The following MYH13 variants were observed in gnomAD, a reference collection of about 807,000 sequenced individuals.
MYH13 encodes the protein myosin-13.
A neutral mutation model predicts 232.1 loss-of-function variants in MYH13; 177 were observed. That is an observed-to-expected ratio of 0.76 (90% CI 0.67 to 0.86). The LOEUF is 0.86. Ranked by LOEUF, MYH13 falls within the 40% of genes least tolerant of loss-of-function variation. The pLI is 0.00. For synonymous variants in MYH13, 884 were observed against 923.5 expected (o/e 0.96, Z 0.78); for missense variants, 2,246 against 2,405.9 (o/e 0.93, Z 1.39).
intron 11 of MYH13, among the ~76,000 whole-genome samples, chr17:10,352,089 C>T (rs564110840): frequency 8.9e-4 from 135 of 152,186 alleles, no homozygotes; most frequent in African/African-American, 3.1e-3. Flanking sequence ...AGGGAAGGGT[C>T]GTTGTAGGTT....
Position 10,315,772 on chromosome 17 carries a change from A to G in MYH13, c.3905T>C (p.Ile1302Thr). 1 of 1,613,932 alleles carries G rather than the reference A, an allele frequency of 6.2e-7. No individual in the cohort carries two copies. Among genetic ancestry groups the G allele is most frequent in the Non-Finnish European group, 8.5e-7 (1 of 1,179,890 alleles). ...SHRVEEKESL[I>T]SQLTKSKQAL... Reference sequence around the variant, plus strand: ...CTGCTTGCTTTTGGTCAGCTGTGAAATCAGAGACTCCTTCTCTTCCACTCG... The same window carrying G: ...CTGCTTGCTTTTGGTCAGCTGTGAAGTCAGAGACTCCTTCTCTTCCACTCG... Residue 1302 changes from isoleucine (I) to threonine (T), a missense_variant, in exon 29 of 41, where the codon ATT becomes ACT. Transcript: ENST00000252172.
intron 16 of MYH13, among the ~76,000 whole-genome samples, chr17:10,342,518 G>A (rs2071626010): frequency 6.6e-6 from 1 of 152,106 alleles, no homozygotes; most frequent in African/African-American, 2.4e-5. Context: ...CTATACAAAT[G>A]TTCATAGCAA....
intron 12 of MYH13, 111 bp from the exon 13 acceptor site, chr17:10,346,909 A>G (rs561702583): frequency 1.3e-6 from 1 of 753,554 alleles, no homozygotes; most frequent in Non-Finnish European, 2.2e-6. Flanking sequence ...AAATGTTTTC[A>G]TGTTGTCATA....
rs1026018811 is a variant in MYH13 at position 10,362,241 on chromosome 17, G to A, written c.382C>T (p.Pro128Ser). ...YSGLFCVTVN[P>S]YKWLPVYKPE... ...TTGTACACCGGCAGCCACTTGTAGG[G>A]GTTGACGGTGACACAGAAGAGGCCT... is the stretch of plus-strand genomic sequence containing the variant. The change falls in exon 5 of 41, where the codon CCC (proline) becomes TCC (serine). Residue 128 changes from proline to serine, a missense_variant. Transcript: ENST00000252172. 6.2e-7 allele frequency: 1 copy of A among 1,613,744 alleles called. No homozygotes were observed. Among genetic ancestry groups the A allele is most frequent in the Non-Finnish European group, 8.5e-7 (1 of 1,179,696 alleles).
At chr17:10,322,007 C>T (rs531504748) in intron 23 of MYH13, among the ~76,000 whole-genome samples, 2 of 152,278 alleles carry the variant, frequency 1.3e-5, no homozygotes, top group African/African-American at 4.8e-5. Context: ...TCTATATTCG[C>T]TCATAATATG....
chr17:10,345,313 G>C lies in MYH13; in HGVS notation c.1473C>G (p.Phe491Leu). 1.2e-6 allele frequency: 2 copies of C among 1,614,238 alleles called. No individual in the cohort carries two copies. The highest frequency in any genetic ancestry group is 1.7e-6 in the Non-Finnish European group (2 of 1,180,044). Residue 491 changes from phenylalanine (F) to leucine (L), a missense_variant, in exon 15 of 41, where the codon TTC becomes TTG. Physicochemically the swap from Phe to Leu is conservative, Grantham distance 22. Transcript: ENST00000252172. ...GCTCCAGCACGAACATGTGGTGGTT[G>C]AAAAACTGTTGCAGTTTCTCATTGG... is the stretch of plus-strand genomic sequence containing the variant. The part of the protein sequence containing the change: ...NFTNEKLQQF[F>L]NHHMFVLEQE...
At chr17:10,333,278 C>T in intron 18 of MYH13, 87 bp from the exon 19 acceptor site, 1 of 912,634 alleles carries the variant, frequency 1.1e-6, no homozygotes, top group East Asian at 2.7e-5. Context: ...TCCAACACAT[C>T]CACACTTGAG....
rs147185646 is a variant in MYH13, at chr17:10,356,105, C to T, written c.739-958G>A. Among the ~76,000 whole-genome samples the T allele has an allele frequency of 3.1e-3, 470 of 152,196 alleles. 2 individuals carry two copies. Among genetic ancestry groups the T allele is most frequent in the African/African-American group, 9.6e-3 (398 of 41,536 alleles). ...CATTATCTGCTTAATTGGTCCTCAACGACACTGTGCGCAAATTTGAGGACA... is the reference window on the plus strand; with the variant it reads ...CATTATCTGCTTAATTGGTCCTCAATGACACTGTGCGCAAATTTGAGGACA... On this transcript the variant is annotated intron_variant, in intron 8 of 40. Transcript: ENST00000252172.
chr17:10,352,627 G>T (rs1410605023), intron 11 of MYH13, among the ~76,000 whole-genome samples: 1 of 151,996 alleles, frequency 6.6e-6, no homozygotes, highest in African/African-American at 2.4e-5. Context: ...AAGGCTCCGT[G>T]AGAGGAAGGA....
At chr17:10,331,469 T>C (rs1597381077) in intron 20 of MYH13, among the ~76,000 whole-genome samples, 1 of 152,304 alleles carries the variant, frequency 6.6e-6, no homozygotes, top group East Asian at 1.9e-4. Context: ...GTGCCACCCT[T>C]ATCACCATCA....
Position 10,306,566 on chromosome 17 carries a change from T to C in MYH13, c.5359A>G (p.Lys1787Glu), listed in dbSNP as rs2142217026. The change falls in exon 37 of 41, where the codon AAG becomes GAG. Residue 1787 changes from lysine (K) to glutamate (E), a missense_variant. Physicochemically the swap from Lys to Glu is moderately conservative, Grantham distance 56. Transcript: ENST00000252172. The surrounding 1 kb of genome is among the most constrained non-coding windows in gnomAD (Gnocchi z 4.3). Reference sequence around the variant, plus strand: ...TTCACCGTCTGCTCCAGGTTCTTCTTCATCCGCTCCAGGTGGGCGCTGGTG... The same window carrying C: ...TTCACCGTCTGCTCCAGGTTCTTCTCCATCCGCTCCAGGTGGGCGCTGGTG... The part of the protein sequence containing the change: ...QDTSAHLERM[K>E]KNLEQTVKDL... The C allele has an allele frequency of 6.2e-7, 1 of 1,614,166 alleles. No homozygotes were observed. Among genetic ancestry groups the C allele is most frequent in the Non-Finnish European group, 8.5e-7 (1 of 1,180,030 alleles).
At chr17:10,323,834 GTC>G (rs1308162702) in intron 23 of MYH13, among the ~76,000 whole-genome samples, 186 bp downstream of exon 23, 1 of 124,878 alleles carries the variant, frequency 8.0e-6, no homozygotes, top group Non-Finnish European at 1.7e-5. Flanking sequence ...AAGAAGAAGA[GTC>G]TATGGGTAGA....
At chr17:10,331,184 C>T (rs1380232306) in intron 20 of MYH13, among the ~76,000 whole-genome samples, 2 of 152,204 alleles carry the variant, frequency 1.3e-5, no homozygotes, top group African/African-American at 4.8e-5. Flanking sequence ...GAGAGATTCA[C>T]AGATGCGTTG....
In MYH13 at chr17:10,321,552, G is replaced by C. The variant is rs199838645; in HGVS notation, c.3091C>G (p.Leu1031Val). 7 of 1,612,532 alleles carry C rather than the reference G, an allele frequency of 4.3e-6. No individual in the cohort carries two copies. The highest frequency in any genetic ancestry group is 1.3e-5 in the African/African-American group (1 of 74,974). Residue 1031 changes from leucine to valine, a missense_variant, in exon 24 of 41, where the codon CTT becomes GTT. Leu to Val is a conservative substitution (Grantham distance 32). Coordinates refer to ENST00000252172, the MANE Select transcript of MYH13 (RefSeq NM_003802.3). Reference sequence around the variant, plus strand: ...CTCACATCATCTGTTTGCTGTTCAAGCTTGGCATTTATTTTGATTAGACCA... The same window carrying C: ...CTCACATCATCTGTTTGCTGTTCAACCTTGGCATTTATTTTGATTAGACCA... ...VNGLIKINAK[L>V]EQQTDDLEGS...
intron 37 of MYH13, among the ~76,000 whole-genome samples, chr17:10,305,416 T>C (rs1359856592): frequency 6.6e-6 from 1 of 152,240 alleles, no homozygotes; most frequent in Non-Finnish European, 1.5e-5. Context: ...ACTTTTGTTA[T>C]TCAAAAAGTC....
At chr17:10,320,302 A>G in intron 25 of MYH13, 49 bp downstream of exon 25, 1 of 1,607,584 alleles carries the variant, frequency 6.2e-7, no homozygotes, top group South Asian at 1.1e-5. Context: ...GGAGGGGGTG[A>G]AAGTTGGCTT....
rs2142214686 is a variant in MYH13 at position 10,304,035 on chromosome 17, C to T, written c.5467-537G>A. Among the ~76,000 whole-genome samples the T allele has an allele frequency of 6.6e-6, 1 of 152,278 alleles. No homozygotes were observed. Among genetic ancestry groups the T allele is most frequent in the East Asian group, 1.9e-4 (1 of 5,184 alleles). On this transcript the variant is annotated intron_variant, in intron 37 of 40. Transcript: ENST00000252172. This position sits in a 1 kb window ranked among gnomAD's most constrained non-coding sequence, Gnocchi z 5.3. ...CTAAGGAACAGAAAACCAAACACCA[C>T]ATATTCTCACTCATAAGTGGGAGTT...
At chr17:10,309,152 G>C in intron 35 of MYH13, 82 bp downstream of exon 35, 2 of 1,395,690 alleles carry the variant, frequency 1.4e-6, no homozygotes, top group South Asian at 1.4e-5. Context: ...TGAGTGGAGG[G>C]ATAGCGGAAG....
intron 2 of MYH13, among the ~76,000 whole-genome samples, chr17:10,370,609 A>G (rs545383705): frequency 6.6e-6 from 1 of 151,998 alleles, no homozygotes; most frequent in Non-Finnish European, 1.5e-5. Flanking sequence ...GTACCATGAC[A>G]CTACTCTCAA....
Sources: allele counts gnomAD v4.1 joint callset (sites outside exome capture counted in the v4.1 genomes callset), GRCh38; gene constraint gnomAD v4.1.1; non-coding constraint Gnocchi (gnomAD v3.1); transcripts MANE v1.5; gene names NCBI Gene and HGNC (gene_info 2026-07-23, HGNC 2026-07-21).